TOP6BL: variants seen among roughly 807,000 people sequenced by gnomAD.
TOP6BL encodes type 2 DNA topoisomerase 6 subunit B-like.
At chr11:66,830,788 T>G in the TOP6BL span, among the ~76,000 whole-genome samples, 1 of 152,206 alleles carries the variant, frequency 6.6e-6, no homozygotes, top group African/African-American at 2.4e-5. Context: ...GACAAATTCC[T>G]TGAAAGATAC....
At chr11:66,801,300 T>A in the TOP6BL span, 2 of 593,544 alleles carry the variant, frequency 3.4e-6, no homozygotes, top group Non-Finnish European at 5.9e-6. Context: ...GAATCTATTC[T>A]AAATGACCTG....
chr11:66,838,126 G>C, the TOP6BL span, among the ~76,000 whole-genome samples: 1 of 152,222 alleles, frequency 6.6e-6, no homozygotes, highest in South Asian at 2.1e-4. Flanking sequence ...CAGTAGCCAA[G>C]AGACTGGAGC....
the TOP6BL span, among the ~76,000 whole-genome samples, chr11:66,808,966 G>T: frequency 2.0e-5 from 3 of 152,208 alleles, no homozygotes; most frequent in Non-Finnish European, 4.4e-5. Context: ...GCGTGTGTGT[G>T]ACGGAGTCTC....
chr11:66,786,957 G>A, the TOP6BL span, among the ~76,000 whole-genome samples: 8 of 150,804 alleles, frequency 5.3e-5, no homozygotes, highest in East Asian at 1.6e-3. Flanking sequence ...TTTTGAGATG[G>A]AGTTTTGCTC....
the TOP6BL span, chr11:66,762,303 C>T: frequency 4.7e-6 from 2 of 424,724 alleles, no homozygotes; most frequent in East Asian, 5.3e-5. Context: ...GGGCGCCGGC[C>T]AGGAGCTGCC....
chr11:66,780,427 G>A, the TOP6BL span, among the ~76,000 whole-genome samples: 1 of 152,066 alleles, frequency 6.6e-6, no homozygotes, highest in Non-Finnish European at 1.5e-5. Context: ...TCTAGCAGCA[G>A]ATTATTTCAT....
At chr11:66,825,672 G>A in the TOP6BL span, among the ~76,000 whole-genome samples, 2 of 152,110 alleles carry the variant, frequency 1.3e-5, no homozygotes, top group Non-Finnish European at 2.9e-5. Context: ...TTGTTTATAA[G>A]CCACCCAGTC....
chr11:66,808,289 C>T, the TOP6BL span, among the ~76,000 whole-genome samples: 2 of 152,136 alleles, frequency 1.3e-5, no homozygotes, highest in Admixed American at 6.6e-5. Context: ...AATCTCAGCA[C>T]TTTGGGAGGC....
At chr11:66,810,216 A>T in the TOP6BL span, among the ~76,000 whole-genome samples, 7 of 152,200 alleles carry the variant, frequency 4.6e-5, no homozygotes, top group African/African-American at 1.7e-4. Flanking sequence ...AAGGTGAAAG[A>T]ATTTATCACC....
chr11:66,807,970 G>A, the TOP6BL span, among the ~76,000 whole-genome samples: 2 of 152,186 alleles, frequency 1.3e-5, no homozygotes, highest in African/African-American at 4.8e-5. Context: ...CTTTGAAATT[G>A]GATTAGGATG....
chr11:66,815,507 A>G, the TOP6BL span, among the ~76,000 whole-genome samples: 5 of 152,220 alleles, frequency 3.3e-5, no homozygotes, highest in Admixed American at 3.3e-4. Context: ...TTTTTTAGTC[A>G]GTCTAGCAAA....
At chr11:66,799,207 CAAA>C in the TOP6BL span, among the ~76,000 whole-genome samples, 6 of 41,890 alleles carry the variant, frequency 1.4e-4, no homozygotes, top group South Asian at 3.3e-3. Context: ...ACTCTGTCTC[CAAA>C]AAAAAAAAAA....
the TOP6BL span, among the ~76,000 whole-genome samples, chr11:66,789,520 T>G: frequency 6.6e-6 from 1 of 152,224 alleles, no homozygotes; most frequent in African/African-American, 2.4e-5. Context: ...TGGCTGTGCC[T>G]TATCTTCTTT....
chr11:66,806,544 G>A, the TOP6BL span, among the ~76,000 whole-genome samples: 1 of 152,198 alleles, frequency 6.6e-6, no homozygotes, highest in African/African-American at 2.4e-5. Context: ...GAAGCTGGCG[G>A]AGCACTTGAG....
At chr11:66,785,662 C>T in the TOP6BL span, among the ~76,000 whole-genome samples, 1 of 151,688 alleles carries the variant, frequency 6.6e-6, no homozygotes, top group African/African-American at 2.4e-5. Context: ...GTTCTGAGTC[C>T]TTTCACCACT....
At chr11:66,800,976 C>T in the TOP6BL span, 1 of 1,582,764 alleles carries the variant, frequency 6.3e-7, no homozygotes, top group South Asian at 1.1e-5. Flanking sequence ...TTATGTCAAA[C>T]AGAGATTGAT....
At chr11:66,828,977 T>TG in the TOP6BL span, among the ~76,000 whole-genome samples, 2 of 144,216 alleles carry the variant, frequency 1.4e-5, no homozygotes, top group Non-Finnish European at 3.0e-5. Context: ...TGTTTTTTGT[T>TG]TTTTTTTTTT....
the TOP6BL span, among the ~76,000 whole-genome samples, chr11:66,832,011 A>AAC: frequency 6.6e-6 from 1 of 151,046 alleles, no homozygotes; most frequent in South Asian, 2.1e-4. Context: ...AAAAAAAAAA[A>AAC]AAAAACAAAA....
chr11:66,809,023 C>T, the TOP6BL span, among the ~76,000 whole-genome samples: 1 of 152,166 alleles, frequency 6.6e-6, no homozygotes, highest in Non-Finnish European at 1.5e-5. Context: ...TGGCTCACTG[C>T]AAGCTCCGCC....
Sources: gnomAD v4.1 joint callset for allele counts (sites outside exome capture counted in the v4.1 genomes callset) on GRCh38, gnomAD v4.1.1 for gene constraint, MANE v1.5 for transcripts, NCBI Gene and HGNC (gene_info 2026-07-23, HGNC 2026-07-21) for gene names.